The following ZNF93 variants were observed in gnomAD, a reference collection of about 807,000 sequenced individuals.
The protein encoded by ZNF93 is zinc finger protein 93, also known as zinc finger protein 505.
ZNF93 carries 29 observed loss-of-function variants against 45.0 expected under a neutral mutation model. The observed-to-expected ratio is 0.64, with a 90% CI of 0.48 to 0.88. The LOEUF (loss-of-function observed/expected upper bound fraction) is 0.88. Ranked by LOEUF, ZNF93 falls within the 40% of genes least tolerant of loss-of-function variation. The pLI is 0.00. For missense variants in ZNF93, 578 were observed against 724.0 expected, an observed-to-expected ratio of 0.80 and a Z score of 2.31; for synonymous variants, 223 against 244.6, an observed-to-expected ratio of 0.91 and a Z score of 0.82.
chr19:19,932,745 T>C (rs2063378566), intron 3 of ZNF93: 1 of 149,052 alleles, frequency 6.7e-6, no homozygotes, highest in South Asian at 2.1e-4. Flanking sequence ...CTTTTTGATG[T>C]GTTTTGAAAT....
intron 3 of ZNF93, among the ~76,000 whole-genome samples, chr19:19,923,456 C>A (rs1013217830): frequency 3.3e-5 from 5 of 152,218 alleles, no homozygotes; most frequent in Non-Finnish European, 7.3e-5. Flanking sequence ...CCACTACTGT[C>A]TTCCAAGCTG....
At chr19:19,914,526 T>C (rs1599568245) in intron 1 of ZNF93, among the ~76,000 whole-genome samples, 1 of 152,332 alleles carries the variant, frequency 6.6e-6, no homozygotes, top group East Asian at 1.9e-4. Context: ...TTTGTCCTAG[T>C]GCAGTTAATG....
intron 1 of ZNF93, 21 bp downstream of exon 1, chr19:19,901,112 T>A: frequency 1.2e-6 from 2 of 1,611,424 alleles, no homozygotes; most frequent in Non-Finnish European, 1.7e-6. Context: ...CGGTCCGACA[T>A]CCCAAGCGAC....
intron 1 of ZNF93, among the ~76,000 whole-genome samples, chr19:19,911,741 A>G (rs1382047195): frequency 2.0e-5 from 3 of 152,094 alleles, no homozygotes; most frequent in Non-Finnish European, 4.4e-5. Context: ...TGAACAAAAT[A>G]ATTGTTATAA....
At position 19,901,187 on chromosome 19, in the gene ZNF93, G is replaced by C. The variant is rs2063269425; in HGVS notation, c.3+96G>C. On this transcript the variant is annotated intron_variant, in intron 1 of 3. Transcript: ENST00000343769. ...CGGGACTCAGGTATCCCCTTAGTCA[G>C]CTCCACAATCTGCGCCGGAGTTCTT... The C allele has an allele frequency of 4.2e-5, 66 of 1,576,270 alleles. 1 individual carries two copies. The South Asian group carries it at 6.6e-4, about 16-fold the overall frequency.
chr19:19,930,450 TTC>T lies in ZNF93; in HGVS notation c.227-2728_227-2727del, dbSNP rs2063370196. On this transcript the variant is annotated intron_variant, in intron 3 of 3. Transcript: ENST00000343769. ...CCACAAGAGGTGGAGGAGTAGAGTC[TTC>T]TCTAAACTCCCCCAGGGAAAGGGAG... Among the ~76,000 whole-genome samples, 7 of 152,192 alleles carry T rather than the reference TTC, an allele frequency of 4.6e-5. No homozygotes were observed. The South Asian group carries it at 1.5e-3, about 32-fold the overall frequency.
chr19:19,921,726 T>A (rs1393751697), intron 3 of ZNF93, among the ~76,000 whole-genome samples: 1 of 151,962 alleles, frequency 6.6e-6, no homozygotes, highest in African/African-American at 2.4e-5. Context: ...TTGATCTTTG[T>A]TGGTTTAAAG....
chr19:19,925,571 C>T (rs186414324), intron 3 of ZNF93, among the ~76,000 whole-genome samples: 48 of 152,232 alleles, frequency 3.2e-4, no homozygotes, highest in African/African-American at 1.1e-3. Context: ...ATTTGAGATT[C>T]AGATATTTAG....
intron 1 of ZNF93, among the ~76,000 whole-genome samples, chr19:19,905,976 G>C (rs1330809052): frequency 6.6e-6 from 1 of 152,164 alleles, no homozygotes; most frequent in African/African-American, 2.4e-5. Flanking sequence ...GTGCTGCAAT[G>C]AACATGAATG....
At chr19:19,904,633 T>C (rs1306531539) in intron 1 of ZNF93, among the ~76,000 whole-genome samples, 3 of 152,146 alleles carry the variant, frequency 2.0e-5, no homozygotes, top group Non-Finnish European at 2.9e-5. Flanking sequence ...TTGTTTGATG[T>C]TCAGCAAACT....
At chr19:19,906,686 T>C (rs1487656709) in intron 1 of ZNF93, among the ~76,000 whole-genome samples, 1 of 152,122 alleles carries the variant, frequency 6.6e-6, no homozygotes, top group East Asian at 1.9e-4. Flanking sequence ...GTTTAATTTG[T>C]CCTGAGTTGA....
chr19:19,906,181 C>T (rs527722833), intron 1 of ZNF93, among the ~76,000 whole-genome samples: 103 of 152,120 alleles, frequency 6.8e-4, no homozygotes, highest in African/African-American at 2.4e-3. Flanking sequence ...CCTTTCTCTG[C>T]ACCTTGCCAG....
chr19:19,927,250 G>A (rs941988334), intron 3 of ZNF93: 8 of 398,222 alleles, frequency 2.0e-5, no homozygotes, highest in African/African-American at 4.1e-5. Flanking sequence ...TTTAATAATA[G>A]CCAGGCATGG....
At chr19:19,901,200 C>A in intron 1 of ZNF93, 109 bp downstream of exon 1, 1 of 1,551,444 alleles carries the variant, frequency 6.4e-7, no homozygotes, top group Non-Finnish European at 8.9e-7. Flanking sequence ...CCACAATCTG[C>A]GCCGGAGTTC....
At chr19:19,902,380 T>C (rs1257790750) in intron 1 of ZNF93, among the ~76,000 whole-genome samples, 1 of 152,038 alleles carries the variant, frequency 6.6e-6, no homozygotes, top group East Asian at 1.9e-4. Flanking sequence ...TGCCTCAGCC[T>C]CTCAAGTAGC....
intron 3 of ZNF93, among the ~76,000 whole-genome samples, chr19:19,923,926 G>A (rs1413071572): frequency 3.3e-5 from 5 of 152,092 alleles, no homozygotes; most frequent in Non-Finnish European, 5.9e-5. Context: ...CCATTGTCCT[G>A]CACCCCTTGT....
chr19:19,901,145 G>C, intron 1 of ZNF93, 54 bp downstream of exon 1: 1 of 1,612,344 alleles, frequency 6.2e-7, no homozygotes, highest in Non-Finnish European at 8.5e-7. Flanking sequence ...GTTGGAACCG[G>C]TGGAAAGTGA....
rs185099822 is a variant in ZNF93 at position 19,923,394 on chromosome 19, C to G, written c.226+6739C>G. On this transcript the variant is annotated intron_variant, in intron 3 of 3. Coordinates refer to ENST00000343769, the MANE Select transcript of ZNF93 (RefSeq NM_031218.4). ...AGGCTACTCAGGGGTCAGGGACCCA[C>G]TTGAATAGGCAGTCTGTCTGTTCTC... Among the ~76,000 whole-genome samples, 638 of 152,320 alleles carry G rather than the reference C, an allele frequency of 4.2e-3. 4 individuals carry two copies. The highest frequency in any genetic ancestry group is 0.01 in the Middle Eastern group (3 of 294).
chr19:19,906,183 C>T (rs747018603), intron 1 of ZNF93, among the ~76,000 whole-genome samples: 3 of 150,334 alleles, frequency 2.0e-5, no homozygotes, highest in Non-Finnish European at 4.4e-5. Context: ...TTTCTCTGCA[C>T]CTTGCCAGTA....
Sources: allele counts gnomAD v4.1 joint callset (sites outside exome capture counted in the v4.1 genomes callset), GRCh38; gene constraint gnomAD v4.1.1; transcripts MANE v1.5; gene names NCBI Gene and HGNC (gene_info 2026-07-23, HGNC 2026-07-21).